The following CUX1 variants were observed in gnomAD, a reference collection of about 807,000 sequenced individuals.
The protein encoded by CUX1 is protein CASP.
In CUX1, 31 loss-of-function variants were observed where a neutral mutation model predicts 158.8. The observed-to-expected ratio is 0.20, with a 90% CI of 0.15 to 0.26. The LOEUF (loss-of-function observed/expected upper bound fraction) is 0.26, where lower values mean the gene tolerates loss of function less well. Among genes scored for constraint, CUX1 ranks in the 10% least tolerant of loss-of-function variants. The pLI, the probability that CUX1 is intolerant of heterozygous loss-of-function variation, is 1.00. For synonymous variants in CUX1, 879 were observed against 862.1 expected (o/e 1.02, Z -0.34); for missense variants, 1,589 against 2,014.6 (o/e 0.79, Z 4.04).
chr7:101,901,248 A>G (rs1432743692), intron 1 of CUX1, among the ~76,000 whole-genome samples: 1 of 151,936 alleles, frequency 6.6e-6, no homozygotes. Flanking sequence ...ATCACCCAAT[A>G]TTGGGTCACC....
At chr7:101,890,037 G>A (rs1386246656) in intron 1 of CUX1, among the ~76,000 whole-genome samples, 1 of 152,216 alleles carries the variant, frequency 6.6e-6, no homozygotes, top group East Asian at 1.9e-4. Flanking sequence ...GTGTGTGGTG[G>A]GGTGCCCCCG....
At position 102,029,092 on chromosome 7, in the gene CUX1, A is replaced by T. The variant is rs1041183275; in HGVS notation, c.189+947A>T. 2.7e-5 allele frequency among the ~76,000 whole-genome samples: 4 copies of T among 148,334 alleles called. No individual in the cohort carries two copies. The Admixed American group carries it at 2.8e-4, about 10-fold the overall frequency. ...ACTGCAACCTCCGTCTCCCAGGTTC[A>T]AGTGATTCTCCTGTCTCAGCCTCCC... On this transcript the variant is annotated intron_variant, in intron 3 of 23. Transcript: ENST00000292535.
intron 8 of CUX1, among the ~76,000 whole-genome samples, chr7:102,143,565 G>T (rs879979238): frequency 2.0e-5 from 3 of 152,090 alleles, no homozygotes; most frequent in African/African-American, 7.2e-5. Flanking sequence ...GAGTCACTGC[G>T]CCTGGCCCAA....
At chr7:102,263,030 T>C (rs1181142646), downstream of CUX1, among the ~76,000 whole-genome samples, 1 of 103,258 alleles carries the variant, frequency 9.7e-6, no homozygotes, top group Non-Finnish European at 2.0e-5. Context: ...TTTTTTTTTT[T>C]GGAGATGAAG....
At chr7:102,243,952 C>T (rs1358598775) in intron 23 of CUX1, among the ~76,000 whole-genome samples, 3 of 151,606 alleles carry the variant, frequency 2.0e-5, no homozygotes, top group Admixed American at 6.6e-5. Flanking sequence ...TCTTGAACTC[C>T]GGAGGCGGAG....
At chr7:102,261,045 C>A (rs113520174), downstream of CUX1, among the ~76,000 whole-genome samples, 1 of 152,270 alleles carries the variant, frequency 6.6e-6, no homozygotes, top group Non-Finnish European at 1.5e-5. Flanking sequence ...GTTGCCCAGG[C>A]TCCCGGCCAG....
intron 2 of CUX1, among the ~76,000 whole-genome samples, chr7:101,957,483 G>C (rs1371066441): frequency 6.6e-6 from 1 of 152,204 alleles, no homozygotes; most frequent in Non-Finnish European, 1.5e-5. Flanking sequence ...CACTTTGGGA[G>C]GCTGAGGCAG....
chr7:102,213,745 G>T (rs557882618), intron 20 of CUX1, among the ~76,000 whole-genome samples: 2 of 152,334 alleles, frequency 1.3e-5, no homozygotes, highest in East Asian at 3.9e-4. Flanking sequence ...AAACCCTCAG[G>T]TGATTGCAGA....
chr7:102,160,951 G>T (rs1455600458), intron 9 of CUX1, among the ~76,000 whole-genome samples: 2 of 152,146 alleles, frequency 1.3e-5, no homozygotes, highest in East Asian at 1.9e-4. Flanking sequence ...AGTTTGCCAC[G>T]ATTTAAAATA....
chr7:101,960,577 G>T (rs751769340), intron 2 of CUX1: 5 of 152,242 alleles, frequency 3.3e-5, no homozygotes, highest in Non-Finnish European at 7.3e-5. Flanking sequence ...GGAGGTTGAG[G>T]CTGCAGTGAG....
intron 5 of CUX1, among the ~76,000 whole-genome samples, chr7:102,102,805 G>C (rs1262298090): frequency 6.6e-6 from 1 of 152,226 alleles, no homozygotes; most frequent in Non-Finnish European, 1.5e-5. Context: ...TGGGGCCACA[G>C]TGCTTTTCCA....
intron 20 of CUX1, among the ~76,000 whole-genome samples, chr7:102,221,117 A>G (rs1253050972): frequency 2.0e-5 from 3 of 152,088 alleles, no homozygotes; most frequent in Admixed American, 6.5e-5. Context: ...GTCTGTCTGT[A>G]TAGTCATTGG....
chr7:102,259,125 C>G (rs1470619478), downstream of CUX1, among the ~76,000 whole-genome samples: 1 of 152,338 alleles, frequency 6.6e-6, no homozygotes, highest in South Asian at 2.1e-4. Context: ...CCCAATTCAA[C>G]TGGATTCAAT....
chr7:101,942,700 C>T (rs1314418036), intron 2 of CUX1, among the ~76,000 whole-genome samples: 1 of 152,210 alleles, frequency 6.6e-6, no homozygotes, highest in Non-Finnish European at 1.5e-5. Context: ...CTCCTGGGCT[C>T]AAGTGATCCC....
intron 1 of CUX1, among the ~76,000 whole-genome samples, chr7:101,860,735 C>CCTTCCTTCCTT (rs1554397513): frequency 1.1e-5 from 1 of 90,442 alleles, no homozygotes; most frequent in Non-Finnish European, 2.3e-5. Flanking sequence ...TCCCCTTCCT[C>CCTTCCTTCCTT]CCTTCCTTCC....
chr7:102,070,291 A>G, intron 3 of CUX1, 48 bp from the exon 4 acceptor site: 1 of 1,509,244 alleles, frequency 6.6e-7, no homozygotes, highest in Non-Finnish European at 9.1e-7. Context: ...ACCTCTTGAC[A>G]AATGTTGAGC....
At chr7:102,281,841 G>T in exon 21 of CUX1, 1 of 1,611,258 alleles carries the variant, frequency 6.2e-7, no homozygotes, top group Non-Finnish European at 8.5e-7. Flanking sequence ...TGCTCCCAGG[G>T]GCGTCTGGTT....
In CUX1 at chr7:102,252,425, G is replaced by T; in HGVS notation, c.*3383G>T. On this transcript the variant is annotated 3_prime_UTR_variant, in exon 24 of 24. Coordinates refer to ENST00000292535, the MANE Select transcript of CUX1 (RefSeq NM_181552.4). ...TCACGCTCTATGAGTTTAAAAAGCT[G>T]ATTTGTACCTCTCCCCTGGGGGAAA... is the stretch of plus-strand genomic sequence containing the variant. 1.0e-6 allele frequency: 1 copy of T among 985,446 alleles called. No homozygotes were observed. Among genetic ancestry groups the T allele is most frequent in the Non-Finnish European group, 1.2e-6 (1 of 829,940 alleles). 61.0% of individuals were successfully genotyped at this position (985,446 alleles called of 1,614,324 possible). A position where few individuals can be genotyped will look rare whatever the true frequency, so the allele number is the denominator to read the frequency against.
intron 1 of CUX1, among the ~76,000 whole-genome samples, chr7:101,899,687 A>G (rs565128391): frequency 7.2e-5 from 11 of 152,346 alleles, no homozygotes; most frequent in East Asian, 1.9e-4. Flanking sequence ...GTCTGTGTAC[A>G]TAAGAACTCA....
Sources: gnomAD v4.1 joint callset for allele counts (sites outside exome capture counted in the v4.1 genomes callset) on GRCh38, gnomAD v4.1.1 for gene constraint, MANE v1.5 for transcripts, NCBI Gene and HGNC (gene_info 2026-07-23, HGNC 2026-07-21) for gene names.